SPATS2L: variants seen among roughly 807,000 people sequenced by gnomAD.
SPATS2L encodes spermatogenesis associated serine rich 2 like, also known as SPATS2-like protein.
SPATS2L carries 30 observed loss-of-function variants against 59.6 expected under a neutral mutation model. The ratio of observed to expected loss-of-function variants is 0.50; its 90% confidence interval spans 0.38 to 0.68. The LOEUF is 0.68. Ranked by LOEUF, SPATS2L falls within the 30% of genes least tolerant of loss-of-function variation. The pLI is 0.00. For missense variants in SPATS2L, 615 were observed against 700.0 expected (o/e 0.88, Z 1.37); for synonymous variants, 252 against 263.5 (o/e 0.96, Z 0.42).
chr2:200,458,367 T>G (rs1360762358), intron 8 of SPATS2L, among the ~76,000 whole-genome samples: 1 of 152,280 alleles, frequency 6.6e-6, no homozygotes, highest in East Asian at 1.9e-4. Context: ...AAATTCAGTC[T>G]CATTTTTTTT....
intron 9 of SPATS2L, among the ~76,000 whole-genome samples, chr2:200,465,603 G>A (rs1209087687): frequency 6.6e-6 from 1 of 152,218 alleles, no homozygotes; most frequent in Non-Finnish European, 1.5e-5. Context: ...CAGCCACATG[G>A]TATTGTAAAT....
At position 200,426,891 on chromosome 2, in the gene SPATS2L, AG is replaced by A. The variant is rs977696820; in HGVS notation, c.445+7396del. On this transcript the variant is annotated intron_variant, in intron 6 of 12. Transcript: ENST00000409140. ...TTAGATTGCATTTGCAGTGACTTAGAGCTCTGCTTCCTTTCTTTATGTATGA... is the reference window on the plus strand; with the variant it reads ...TTAGATTGCATTTGCAGTGACTTAGACTCTGCTTCCTTTCTTTATGTATGA... Among the ~76,000 whole-genome samples, 5 of 152,236 alleles carry A rather than the reference AG, an allele frequency of 3.3e-5. No individual in the cohort carries two copies. In the East Asian group the frequency reaches 9.7e-4, roughly 29 times the overall value.
intron 2 of SPATS2L, among the ~76,000 whole-genome samples, chr2:200,331,825 G>C (rs2079952706): frequency 6.6e-6 from 1 of 152,148 alleles, no homozygotes; most frequent in Non-Finnish European, 1.5e-5. Flanking sequence ...GACAGTGGTC[G>C]ACCAGAGGCA....
intron 11 of SPATS2L, 22 bp downstream of exon 11, chr2:200,470,038 A>C (rs1425957135): frequency 1.9e-6 from 3 of 1,570,148 alleles, no homozygotes; most frequent in Non-Finnish European, 2.6e-6. Context: ...ATATTTGCTG[A>C]ATAATTCTGT....
intron 8 of SPATS2L, among the ~76,000 whole-genome samples, chr2:200,448,664 C>G (rs923770934): frequency 3.9e-5 from 6 of 152,134 alleles, no homozygotes; most frequent in Non-Finnish European, 8.8e-5. Context: ...AATCCCTTTC[C>G]TTCTCATCAA....
chr2:200,424,204 C>G (rs543306608), intron 6 of SPATS2L, among the ~76,000 whole-genome samples: 78 of 152,064 alleles, frequency 5.1e-4, no homozygotes, highest in African/African-American at 1.8e-3. Context: ...TTATTTTTGC[C>G]GAGCGGGCAC....
rs59073895 is a variant in SPATS2L, at chr2:200,477,515, T to TAAAAAAAAAAAAAAAAAA, written c.1282-115_1282-98dup. On this transcript the variant is annotated intron_variant, in intron 12 of 12. Transcript: ENST00000409140. The stretch of plus-strand genomic sequence containing the variant: ...CATGTTTTCTGATTCTTCTGGTGTA[T>TAAAAAAAAAAAAAAAAAA]AAAAAAAAAAAAAAAAAAAAAAAGC... 66 of 302,672 alleles carry TAAAAAAAAAAAAAAAAAA rather than the reference T, an allele frequency of 2.2e-4. 4 individuals carry two copies. Among genetic ancestry groups the TAAAAAAAAAAAAAAAAAA allele is most frequent in the African/African-American group, 1.3e-3 (30 of 23,104 alleles). The allele number at this position is 302,672 out of a possible 1,614,324, so 18.7% of individuals were successfully genotyped here.
At position 200,456,239 on chromosome 2, in the gene SPATS2L, C is replaced by A. The variant is rs906478681; in HGVS notation, c.789-3530C>A. Among the ~76,000 whole-genome samples, 24 of 152,208 alleles carry A rather than the reference C, an allele frequency of 1.6e-4. 1 individual carries two copies. The highest frequency in any genetic ancestry group is 6.5e-4 in the Admixed American group (10 of 15,280). ...AGCTGGGTCCTGAGTCAGCAGAGATCACTGACTTGCCTTTGTGCACATGAG... is the reference window on the plus strand; with the variant it reads ...AGCTGGGTCCTGAGTCAGCAGAGATAACTGACTTGCCTTTGTGCACATGAG... On this transcript the variant is annotated intron_variant, in intron 8 of 12. Coordinates refer to ENST00000409140, the MANE Select transcript of SPATS2L (RefSeq NM_001100423.2).
chr2:200,474,445 T>C (rs535679014), intron 12 of SPATS2L, among the ~76,000 whole-genome samples: 44 of 152,224 alleles, frequency 2.9e-4, no homozygotes, highest in African/African-American at 1.0e-3. Context: ...TAGCTGGGAC[T>C]ACAGGCACGT....
At chr2:200,353,090 G>A (rs2080796277) in intron 2 of SPATS2L, among the ~76,000 whole-genome samples, 1 of 152,220 alleles carries the variant, frequency 6.6e-6, no homozygotes, top group South Asian at 2.1e-4. Flanking sequence ...ATGACATCTG[G>A]CCTCTATCAA....
At chr2:200,341,799 C>T (rs2080337004) in intron 2 of SPATS2L, among the ~76,000 whole-genome samples, 1 of 151,544 alleles carries the variant, frequency 6.6e-6, no homozygotes. Flanking sequence ...AAGTAATTCT[C>T]CTGCCTCAGC....
chr2:200,345,730 C>T (rs920338472), intron 2 of SPATS2L, among the ~76,000 whole-genome samples: 5 of 152,200 alleles, frequency 3.3e-5, no homozygotes, highest in African/African-American at 7.2e-5. Context: ...AGCTAACCTA[C>T]TCTGTAATAT....
intron 6 of SPATS2L, among the ~76,000 whole-genome samples, chr2:200,422,183 G>A (rs1238964416): frequency 6.6e-6 from 1 of 152,100 alleles, no homozygotes; most frequent in Non-Finnish European, 1.5e-5. Context: ...GAGGTGTGTT[G>A]GTATTATTTG....
chr2:200,409,438 C>G (rs2082799788), intron 3 of SPATS2L, among the ~76,000 whole-genome samples: 1 of 152,086 alleles, frequency 6.6e-6, no homozygotes, highest in African/African-American at 2.4e-5. Context: ...AGTGAGGTTC[C>G]TTTATTTTTA....
chr2:200,332,772 CTG>C (rs144988506), intron 2 of SPATS2L, among the ~76,000 whole-genome samples: 1,976 of 143,190 alleles, frequency 0.014, 47 homozygotes, highest in African/African-American at 0.047. Flanking sequence ...AGTTAGCTGC[CTG>C]TGTGTGTGTG....
chr2:200,389,370 A>G, intron 3 of SPATS2L, 87 bp downstream of exon 3: 5 of 949,614 alleles, frequency 5.3e-6, no homozygotes, highest in Non-Finnish European at 6.5e-6. Flanking sequence ...ACAGTGGAGA[A>G]AGGGAAAGTG....
At chr2:200,306,119 C>T, upstream of SPATS2L, 1 of 987,656 alleles carries the variant, frequency 1.0e-6, no homozygotes, top group Non-Finnish European at 1.2e-6. Context: ...TTTCCAAGGG[C>T]TGACCCGAGC....
At chr2:200,409,049 G>A (rs531813721) in intron 3 of SPATS2L, among the ~76,000 whole-genome samples, 1 of 152,252 alleles carries the variant, frequency 6.6e-6, no homozygotes, top group Non-Finnish European at 1.5e-5. Context: ...TGGCATGAGA[G>A]TCCTTTAGCG....
At chr2:200,386,212 C>T (rs916317834) in intron 2 of SPATS2L, among the ~76,000 whole-genome samples, 2 of 152,080 alleles carry the variant, frequency 1.3e-5, no homozygotes, top group African/African-American at 4.8e-5. Context: ...CAGCCTTCCA[C>T]CTGGGAAAAA....
Sources: allele counts gnomAD v4.1 joint callset (sites outside exome capture counted in the v4.1 genomes callset), GRCh38; gene constraint gnomAD v4.1.1; transcripts MANE v1.5; gene names NCBI Gene and HGNC (gene_info 2026-07-23, HGNC 2026-07-21).